Variants in BIRC6 observed in about 807,000 individuals in gnomAD.
BIRC6 encodes dual E2 ubiquitin-conjugating enzyme/E3 ubiquitin-protein ligase BIRC6.
BIRC6 carries 98 observed loss-of-function variants against 503.3 expected under a neutral mutation model. The ratio of observed to expected loss-of-function variants is 0.19; its 90% CI spans 0.17 to 0.23. The LOEUF is 0.23. Among genes scored for constraint, BIRC6 ranks in the 10% least tolerant of loss-of-function variants. BIRC6 has a pLI of 1.00. For synonymous variants in BIRC6, 2,240 were observed against 2,078.7 expected (o/e 1.08, Z -2.11); for missense variants, 5,360 against 5,806.0 (o/e 0.92, Z 2.50).
chr2:32,464,731 G>C lies in BIRC6; in HGVS notation c.5164G>C (p.Ala1722Pro). 1 of 1,613,948 alleles carries C rather than the reference G, an allele frequency of 6.2e-7. No individual in the cohort carries two copies. The highest frequency in any genetic ancestry group is 8.5e-7 in the Non-Finnish European group (1 of 1,179,880). Residue 1722 changes from alanine (A) to proline (P), a missense_variant, in exon 25 of 74, where the codon GCC becomes CCC. By Grantham distance (27) the Ala-to-Pro change is conservative. Transcript: ENST00000421745. ...TGAAGCAGTTTCCGTTGTGATTAAT[G>C]CCGAACTTGCACAGCTTTTCCCAGG... is the stretch of plus-strand genomic sequence containing the variant. Reference protein sequence around the residue: ...PNEAVSVVINAELAQLFPGSV... With the variant: ...PNEAVSVVINPELAQLFPGSV...
chr2:32,589,761 T>C (rs1383725269), intron 66 of BIRC6, among the ~76,000 whole-genome samples: 1 of 152,204 alleles, frequency 6.6e-6, no homozygotes, highest in Admixed American at 6.5e-5. Flanking sequence ...CTGAAACATA[T>C]TATTTGTGGC....
chr2:32,392,022 A>C lies in BIRC6; in HGVS notation c.840-17A>C, dbSNP rs2039294210. The C allele has an allele frequency of 6.8e-7, 1 of 1,467,528 alleles. No individual in the cohort carries two copies. 90.9% of individuals were successfully genotyped at this position (1,467,528 alleles called of 1,614,324 possible). ...TTGATGCCTAACTTCAATTACATAA[A>C]GTATGTTTACTTTTAGATCACTGAT... On this transcript the variant is annotated splice_polypyrimidine_tract_variant and intron_variant, in intron 4 of 73. Transcript: ENST00000421745.
intron 68 of BIRC6, among the ~76,000 whole-genome samples, chr2:32,595,812 A>G (rs890395874): frequency 1.3e-5 from 2 of 152,242 alleles, no homozygotes; most frequent in African/African-American, 2.4e-5. Context: ...TAAATCATTT[A>G]GCTTTTGCTC....
chr2:32,471,511 C>G (rs2049096823), intron 32 of BIRC6, among the ~76,000 whole-genome samples: 2 of 152,048 alleles, frequency 1.3e-5, no homozygotes, highest in Non-Finnish European at 2.9e-5. Flanking sequence ...TTGGTATCTA[C>G]TAATTAACTA....
intron 11 of BIRC6, 38 bp downstream of exon 11, chr2:32,429,333 ATAGG>A (rs1048116826): frequency 1.5e-6 from 2 of 1,369,836 alleles, no homozygotes; most frequent in African/African-American, 1.5e-5. Flanking sequence ...TAAAAAAAGA[ATAGG>A]TAGTATTTAT....
chr2:32,511,135 A>G (rs2149614762), intron 53 of BIRC6, among the ~76,000 whole-genome samples: 1 of 149,162 alleles, frequency 6.7e-6, no homozygotes, highest in South Asian at 2.1e-4. Flanking sequence ...ATGAAACAAT[A>G]TCATAACATG....
intron 65 of BIRC6, among the ~76,000 whole-genome samples, chr2:32,561,642 G>GT (rs1190164391): frequency 2.7e-5 from 4 of 149,196 alleles, no homozygotes; most frequent in African/African-American, 4.9e-5. Context: ...TATATTCAAG[G>GT]TTTTTTTTGA....
chr2:32,531,677 C>T (rs966985782), intron 61 of BIRC6, 126 bp downstream of exon 61: 3 of 812,872 alleles, frequency 3.7e-6, no homozygotes, highest in Non-Finnish European at 5.6e-6. Context: ...ATTTTTTGAA[C>T]ATTATATAAC....
intron 65 of BIRC6, among the ~76,000 whole-genome samples, chr2:32,550,970 C>A (rs2058382755): frequency 6.6e-6 from 1 of 152,016 alleles, no homozygotes; most frequent in South Asian, 2.1e-4. Flanking sequence ...AAAGAAATTT[C>A]TTTCATCAGG....
In BIRC6 at chr2:32,536,993, A is replaced by T. The variant is rs552745010; in HGVS notation, c.12291+5442A>T. 1.5e-3 allele frequency among the ~76,000 whole-genome samples: 231 copies of T among 151,674 alleles called. 1 individual carries two copies. Among genetic ancestry groups the T allele is most frequent in the African/African-American group, 5.4e-3 (222 of 41,322 alleles). On this transcript the variant is annotated intron_variant, in intron 61 of 73. Coordinates refer to ENST00000421745, the MANE Select transcript of BIRC6 (RefSeq NM_016252.4). ...GTCCTTCACATCCCTTGTAAGTTGG[A>T]CTCCTAGGTATTTTATTCTCTTTGA...
At chr2:32,534,064 G>C (rs1307049372) in intron 61 of BIRC6, among the ~76,000 whole-genome samples, 3 of 152,102 alleles carry the variant, frequency 2.0e-5, no homozygotes, top group African/African-American at 7.2e-5. Context: ...TTTAATAAGA[G>C]ACACTGTCTG....
intron 55 of BIRC6, 80 bp downstream of exon 55, chr2:32,515,850 A>C: frequency 6.8e-6 from 9 of 1,321,330 alleles, no homozygotes; most frequent in Non-Finnish European, 9.1e-6. Flanking sequence ...GTAATAATAA[A>C]TTTAGTGAGG....
In BIRC6 at chr2:32,415,414, C is replaced by T; in HGVS notation, c.2123C>T (p.Ser708Phe). 1 of 1,614,000 alleles carries T rather than the reference C, an allele frequency of 6.2e-7. No individual in the cohort carries two copies. The highest frequency in any genetic ancestry group is 8.5e-7 in the Non-Finnish European group (1 of 1,179,900). Residue 708 changes from serine to phenylalanine, a missense_variant, in exon 10 of 74, where the codon TCT becomes TTT. This residue lies in a region of BIRC6 where 700 missense variants were observed against 739.3 expected (regional missense o/e 0.95). Coordinates refer to ENST00000421745, the MANE Select transcript of BIRC6 (RefSeq NM_016252.4). ...TCTCCGGATTCTGAGAAGTGGAACT[C>T]TGTGTTTCCCAAGCCTGGGACTTTG... ...LTSPDSEKWN[S>F]VFPKPGTLVQ... is the part of the protein sequence containing the mutation.
chr2:32,614,789 G>A (rs1319661113), intron 73 of BIRC6, among the ~76,000 whole-genome samples: 3 of 152,292 alleles, frequency 2.0e-5, no homozygotes, highest in South Asian at 2.1e-4. Flanking sequence ...CTGAGATTGC[G>A]CCATTGCTCT....
intron 26 of BIRC6, among the ~76,000 whole-genome samples, chr2:32,465,953 A>G (rs1034157113): frequency 1.8e-4 from 28 of 152,210 alleles, no homozygotes; most frequent in African/African-American, 6.0e-4. Context: ...ATTAGTGTTG[A>G]TGACATTTAG....
At position 32,414,857 on chromosome 2, in the gene BIRC6, G is replaced by A. The variant is rs1033613774; in HGVS notation, c.1566G>A (p.Glu522=). 3.1e-6 allele frequency: 5 copies of A among 1,613,820 alleles called. No homozygotes were observed. The African/African-American group carries it at 6.7e-5, about 22-fold the overall frequency. The change falls in exon 10 of 74, where the codon GAG becomes GAA. Residue 522 remains glutamate, a synonymous_variant. Transcript: ENST00000421745. The stretch of plus-strand genomic sequence containing the variant: ...AACAGCCAGAAAAACTTCAGTGGGA[G>A]ATTGTTGCAAATGTGCTTGAAGATA... ...ILQQPEKLQW[E]IVANVLEDTV... is the part of the protein sequence containing the mutation.
At chr2:32,421,904 T>C (rs1368068244) in intron 10 of BIRC6, among the ~76,000 whole-genome samples, 1 of 152,244 alleles carries the variant, frequency 6.6e-6, no homozygotes, top group Non-Finnish European at 1.5e-5. Flanking sequence ...CCTTCTTCTA[T>C]CAATTTTGAG....
intron 66 of BIRC6, among the ~76,000 whole-genome samples, chr2:32,586,216 C>A (rs1157813759): frequency 1.3e-5 from 2 of 151,060 alleles, no homozygotes; most frequent in Non-Finnish European, 2.9e-5. Flanking sequence ...TGATTAAATG[C>A]CTAAATACAA....
At position 32,468,705 on chromosome 2, in the gene BIRC6, A is replaced by C; in HGVS notation, c.6049A>C (p.Thr2017Pro). The C allele has an allele frequency of 6.2e-7, 1 of 1,613,980 alleles. No homozygotes were observed. ...ATCAAATCCAGAAGATTTAATTCAGACATCTTCCACAGAGCAGTTACGTAC... is the reference window on the plus strand; with the variant it reads ...ATCAAATCCAGAAGATTTAATTCAGCCATCTTCCACAGAGCAGTTACGTAC... Reference protein sequence around the residue: ...ETSNPEDLIQTSSTEQLRTII... With the variant: ...ETSNPEDLIQPSSTEQLRTII... Residue 2017 changes from threonine to proline, a missense_variant, in exon 29 of 74, where the codon ACA becomes CCA. Around this residue, in one of 16 missense-constraint regions of BIRC6, gnomAD observed 2,299 missense variants for 2,267.2 expected, o/e 1.01. Coordinates refer to ENST00000421745, the MANE Select transcript of BIRC6 (RefSeq NM_016252.4).
Sources: gnomAD v4.1 joint callset for allele counts (sites outside exome capture counted in the v4.1 genomes callset) on GRCh38, gnomAD v4.1.1 for gene constraint, gnomAD v4.1.1 regional missense constraint, MANE v1.5 for transcripts, NCBI Gene and HGNC (gene_info 2026-07-23, HGNC 2026-07-21) for gene names.